CENPW: variants seen among roughly 807,000 people sequenced by gnomAD.
CENPW encodes centromere protein W, also known as cancer-up-regulated gene 2 protein.
CENPW carries 3 observed loss-of-function variants against 11.1 expected under a neutral mutation model. That is an observed-to-expected ratio of 0.27 (90% CI 0.12 to 0.70). The LOEUF is 0.70. Ranked by LOEUF, CENPW falls within the 30% of genes least tolerant of loss-of-function variation. The probability of loss-of-function intolerance (pLI) is 0.77; values close to 1 mark genes in which losing one functional copy is unlikely to be tolerated. For missense variants in CENPW, 100 were observed against 105.6 expected, an observed-to-expected ratio of 0.95 and a Z score of 0.23; for synonymous variants, 38 against 42.0, an observed-to-expected ratio of 0.91 and a Z score of 0.37.
the CENPW span, among the ~76,000 whole-genome samples, chr6:126,416,504 C>A: frequency 2.0e-4 from 31 of 152,258 alleles, no homozygotes; most frequent in Admixed American, 1.4e-3. Context: ...ATGTCAGAGG[C>A]CTTCATGGCA....
the CENPW span, among the ~76,000 whole-genome samples, chr6:126,467,976 G>A: frequency 6.6e-6 from 1 of 152,092 alleles, no homozygotes; most frequent in South Asian, 2.1e-4. Context: ...AGAAAAACAT[G>A]TGACAAATTC....
At chr6:126,359,353 T>C in the CENPW span, among the ~76,000 whole-genome samples, 1 of 152,080 alleles carries the variant, frequency 6.6e-6, no homozygotes, top group Admixed American at 6.6e-5. Context: ...GTGTGGCCGA[T>C]CTTAGAATAT....
the CENPW span, among the ~76,000 whole-genome samples, chr6:126,378,390 A>G: frequency 5.6e-4 from 85 of 152,260 alleles, no homozygotes; most frequent in African/African-American, 2.0e-3. Flanking sequence ...CCATGGTACG[A>G]CAACTCATTT....
At chr6:126,350,275 A>C (rs1313935471), downstream of CENPW, among the ~76,000 whole-genome samples, 1 of 152,164 alleles carries the variant, frequency 6.6e-6, no homozygotes, top group East Asian at 1.9e-4. Context: ...TGCACTGGAT[A>C]GCTTATAGAT....
chr6:126,444,622 AT>A, the CENPW span, among the ~76,000 whole-genome samples: 2 of 149,264 alleles, frequency 1.3e-5, no homozygotes, highest in Non-Finnish European at 1.5e-5. Flanking sequence ...ACTGTTTCTA[AT>A]TTTTCTGCTA....
chr6:126,438,953 C>A, the CENPW span, among the ~76,000 whole-genome samples: 2 of 151,618 alleles, frequency 1.3e-5, no homozygotes, highest in African/African-American at 4.8e-5. Flanking sequence ...AAGAAGGTAG[C>A]TTACATAGAT....
the CENPW span, among the ~76,000 whole-genome samples, chr6:126,421,620 T>G: frequency 1.1e-4 from 17 of 152,006 alleles, no homozygotes; most frequent in East Asian, 3.3e-3. Context: ...CTAGGTTGGA[T>G]TTGCATTAGT....
At chr6:126,355,249 T>G in the CENPW span, among the ~76,000 whole-genome samples, 2 of 152,182 alleles carry the variant, frequency 1.3e-5, no homozygotes, top group East Asian at 3.8e-4. Flanking sequence ...ATTAGTTTTG[T>G]TTTTGAAATA....
the CENPW span, among the ~76,000 whole-genome samples, chr6:126,482,365 G>C: frequency 1.3e-5 from 2 of 151,954 alleles, no homozygotes; most frequent in Admixed American, 6.6e-5. Flanking sequence ...TTGTCAGATA[G>C]ATATAATAAA....
At chr6:126,399,066 C>T in the CENPW span, among the ~76,000 whole-genome samples, 3 of 151,928 alleles carry the variant, frequency 2.0e-5, no homozygotes, top group East Asian at 1.9e-4. Flanking sequence ...TGCTGTTGGG[C>T]GTCTAGGTTG....
chr6:126,399,326 C>T, the CENPW span, among the ~76,000 whole-genome samples: 7 of 151,928 alleles, frequency 4.6e-5, no homozygotes, highest in East Asian at 5.8e-4. Flanking sequence ...TATGGAGGGC[C>T]GGCTATATCA....
the CENPW span, among the ~76,000 whole-genome samples, chr6:126,374,380 G>A: frequency 6.6e-6 from 1 of 152,108 alleles, no homozygotes; most frequent in East Asian, 1.9e-4. Flanking sequence ...GAAATAAAAT[G>A]GCAAAATTTA....
the CENPW span, among the ~76,000 whole-genome samples, chr6:126,415,160 G>A: frequency 6.6e-6 from 1 of 152,034 alleles, no homozygotes; most frequent in East Asian, 1.9e-4. Context: ...TCAAGGGGGT[G>A]TAAGGTGTAA....
chr6:126,358,307 C>T, the CENPW span, among the ~76,000 whole-genome samples: 3 of 152,198 alleles, frequency 2.0e-5, no homozygotes, highest in African/African-American at 7.2e-5. Flanking sequence ...AATAGTTCCA[C>T]CTTCTGCCTA....
chr6:126,464,008 A>C, the CENPW span, among the ~76,000 whole-genome samples: 4 of 152,094 alleles, frequency 2.6e-5, no homozygotes, highest in African/African-American at 7.2e-5. Context: ...TCTTTCTTGT[A>C]AGAAAAAAAA....
chr6:126,419,270 G>A, the CENPW span, among the ~76,000 whole-genome samples: 1 of 152,044 alleles, frequency 6.6e-6, no homozygotes, highest in South Asian at 2.1e-4. Context: ...AGATTAGAAT[G>A]ATCAATGTAC....
At chr6:126,342,511 T>C (rs1412748766) in intron 1 of CENPW, among the ~76,000 whole-genome samples, 1 of 152,156 alleles carries the variant, frequency 6.6e-6, no homozygotes, top group African/African-American at 2.4e-5. Context: ...CTTTTCTGTC[T>C]CCCATTATCT....
At chr6:126,463,938 G>T in the CENPW span, among the ~76,000 whole-genome samples, 4 of 151,682 alleles carry the variant, frequency 2.6e-5, no homozygotes, top group Non-Finnish European at 5.9e-5. Context: ...ACAGAATTCT[G>T]GCCTCTTCTA....
chr6:126,477,579 A>C, the CENPW span, among the ~76,000 whole-genome samples: 1 of 152,004 alleles, frequency 6.6e-6, no homozygotes, highest in Non-Finnish European at 1.5e-5. Context: ...ATAAAGGAAC[A>C]GACTCAAAGA....
Sources: allele counts gnomAD v4.1 joint callset (sites outside exome capture counted in the v4.1 genomes callset), GRCh38; gene constraint gnomAD v4.1.1; transcripts MANE v1.5; gene names NCBI Gene and HGNC (gene_info 2026-07-23, HGNC 2026-07-21).